NLGN2: variants seen among roughly 807,000 people sequenced by gnomAD.
NLGN2 encodes the protein neuroligin-2.
NLGN2 carries 11 observed loss-of-function variants against 48.6 expected under a neutral mutation model. That is an observed-to-expected ratio of 0.23 (90% CI 0.14 to 0.37). NLGN2 has a LOEUF of 0.37. Ranked by LOEUF, NLGN2 falls within the 10% of genes least tolerant of loss-of-function variation. NLGN2 has a pLI of 1.00. For synonymous variants in NLGN2, 548 were observed against 550.0 expected (o/e 1.00, Z 0.05); for missense variants, 801 against 1,225.2 (o/e 0.65, Z 5.17).
At position 7,408,216 on chromosome 17, in the gene NLGN2, G is replaced by C. The variant is rs1287094592; in HGVS notation, c.-40G>C. 8.0e-6 allele frequency: 9 copies of C among 1,119,330 alleles called. No individual in the cohort carries two copies. Among genetic ancestry groups the C allele is most frequent in the Non-Finnish European group, 9.3e-6 (8 of 862,772 alleles). The allele number at this position is 1,119,330 out of a possible 1,614,324, so 69.3% of individuals were successfully genotyped here. On this transcript the variant is annotated 5_prime_UTR_variant, in exon 1 of 7. Coordinates refer to ENST00000302926, the MANE Select transcript of NLGN2 (RefSeq NM_020795.4). This position sits in a 1 kb window ranked among gnomAD's most constrained non-coding sequence, Gnocchi z 7.5. ...CCCCCCTTCTCTCTCTCTCCGAGGG[G>C]GGGGGGTCCCAGGGAGGGAGGGGGG...
At chr17:7,405,824 G>A (rs1479666397), upstream of NLGN2, among the ~76,000 whole-genome samples, 2 of 151,992 alleles carry the variant, frequency 1.3e-5, no homozygotes, top group African/African-American at 4.8e-5. This position sits in a 1 kb window ranked among gnomAD's most constrained non-coding sequence, Gnocchi z 6.8. Flanking sequence ...CACAGACCCC[G>A]TGTGTTCCCA....
intron 5 of NLGN2, 116 bp downstream of exon 5, chr17:7,415,264 G>A (rs1292984591): frequency 6.9e-6 from 7 of 1,016,250 alleles, no homozygotes; most frequent in African/African-American, 4.8e-5. Flanking sequence ...CCCCCAGTAA[G>A]TGGCCTCCTC....
At position 7,419,463 on chromosome 17, in the gene NLGN2, G is replaced by T. The variant is rs1241614297; in HGVS notation, c.*1664G>T. Reference sequence around the variant, plus strand: ...GTGCCAAACTTGAATAGGGGCTGGGGTGCTGTCTTCCACTGACACCCAAAT... The same window carrying T: ...GTGCCAAACTTGAATAGGGGCTGGGTTGCTGTCTTCCACTGACACCCAAAT... On this transcript the variant is annotated 3_prime_UTR_variant, in exon 7 of 7. Transcript: ENST00000302926. The T allele has an allele frequency of 6.6e-6, 1 of 152,666 alleles. No individual in the cohort carries two copies. Among genetic ancestry groups the T allele is most frequent in the Non-Finnish European group, 1.5e-5 (1 of 68,118 alleles). 9.5% of individuals were successfully genotyped at this position (152,666 alleles called of 1,614,324 possible). A position where few individuals can be genotyped will look rare whatever the true frequency, so the allele number is the denominator to read the frequency against.
At position 7,413,408 on chromosome 17, in the gene NLGN2, A is replaced by C. The variant is rs1187814223; in HGVS notation, c.509-936A>C. ...AGTATCCAGGCTAGCAGGGAGGGCC[A>C]GTGTCAAGAAAGAGGAGGGCCTGTG... On this transcript the variant is annotated intron_variant, in intron 2 of 6. Coordinates refer to ENST00000302926, the MANE Select transcript of NLGN2 (RefSeq NM_020795.4). The surrounding 1 kb of genome is among the most constrained non-coding windows in gnomAD (Gnocchi z 4.9). Among the ~76,000 whole-genome samples the C allele has an allele frequency of 6.6e-6, 1 of 152,162 alleles. No individual in the cohort carries two copies. Among genetic ancestry groups the C allele is most frequent in the Non-Finnish European group, 1.5e-5 (1 of 68,018 alleles).
upstream of NLGN2, among the ~76,000 whole-genome samples, chr17:7,406,479 A>G (rs1906643657): frequency 6.6e-6 from 1 of 151,994 alleles, no homozygotes; most frequent in South Asian, 2.1e-4. Flanking sequence ...TGATGGAGGA[A>G]TAGAGGAGCC....
In NLGN2 at chr17:7,408,777, T is replaced by C. The variant is rs1293261543; in HGVS notation, c.457+65T>C. 6.2e-7 allele frequency: 1 copy of C among 1,608,660 alleles called. No individual in the cohort carries two copies. The highest frequency in any genetic ancestry group is 8.5e-7 in the Non-Finnish European group (1 of 1,178,428). On this transcript the variant is annotated intron_variant, in intron 1 of 6. Transcript: ENST00000302926. This position sits in a 1 kb window ranked among gnomAD's most constrained non-coding sequence, Gnocchi z 7.5. ...AGCCCACAAACGCACATGCAGACCC[T>C]CAGGCACTGGCACCGCTCTAGGGCT...
At chr17:7,405,070 G>C (rs1353181165), upstream of NLGN2, 1 of 151,510 alleles carries the variant, frequency 6.6e-6, no homozygotes, top group Non-Finnish European at 1.5e-5. The surrounding 1 kb of genome is among the most constrained non-coding windows in gnomAD (Gnocchi z 6.8). Flanking sequence ...CTCTGGACTC[G>C]GCTCCCGCCC....
intron 2 of NLGN2, among the ~76,000 whole-genome samples, chr17:7,412,668 A>G (rs1011615866): frequency 1.3e-5 from 2 of 152,158 alleles, no homozygotes; most frequent in African/African-American, 4.8e-5. Context: ...GCCTGTCGCA[A>G]TTTCCAAAAG....
rs773829700 is a variant in NLGN2 at position 7,417,189 on chromosome 17, C to T, written c.1898C>T (p.Pro633Leu). The T allele has an allele frequency of 4.5e-6, 7 of 1,566,494 alleles. No homozygotes were observed. Among genetic ancestry groups the T allele is most frequent in the Admixed American group, 3.7e-5 (2 of 53,994 alleles). The change falls in exon 7 of 7, where the codon CCC (proline) becomes CTC (leucine). Residue 633 changes from proline to leucine, a missense_variant. By Grantham distance (98) the Pro-to-Leu change is moderately conservative (BLOSUM62 -3). Transcript: ENST00000302926. Reference sequence around the variant, plus strand: ...TACGCCACGCGCTGGCCGCCTCGTCCCCCCGCTGGCGCCCCGGGCACACGC... The same window carrying T: ...TACGCCACGCGCTGGCCGCCTCGTCTCCCCGCTGGCGCCCCGGGCACACGC... ...PPYATRWPPR[P>L]PAGAPGTRRP...
rs570068716 is a variant in NLGN2, at chr17:7,415,946, C to A, written c.1473C>A (p.Gly491=). The A allele has an allele frequency of 1.3e-5, 21 of 1,614,014 alleles. No individual in the cohort carries two copies. The highest frequency in any genetic ancestry group is 1.6e-4 in the Middle Eastern group (1 of 6,062). Residue 491 remains glycine, a synonymous_variant, in exon 6 of 7, where the codon GGC becomes GGA. Coordinates refer to ENST00000302926, the MANE Select transcript of NLGN2 (RefSeq NM_020795.4). ...TCTACCACCACTGCCAGGCGGAGGG[C>A]CGGCCTGAGTGGGCAGATGCGGCGC... is the stretch of plus-strand genomic sequence containing the variant. ...YTFYHHCQAE[G]RPEWADAAHG...
At chr17:7,414,591 G>C in intron 3 of NLGN2, 72 bp from the exon 4 acceptor site, 2 of 1,610,594 alleles carry the variant, frequency 1.2e-6, no homozygotes, top group Non-Finnish European at 8.5e-7. Context: ...TTCTGGGCTG[G>C]ACTGAGCTGC....
In NLGN2 at chr17:7,415,827, C is replaced by A; in HGVS notation, c.1354C>A (p.Leu452Met). 2 of 1,613,678 alleles carry A rather than the reference C, an allele frequency of 1.2e-6. No individual in the cohort carries two copies. Among genetic ancestry groups the A allele is most frequent in the Non-Finnish European group, 1.7e-6 (2 of 1,179,934 alleles). The stretch of plus-strand genomic sequence containing the variant: ...TGGCGAAATGCGCCGCAAAACCCTG[C>A]TGGCGCTCTTTACTGACCACCAATG... ...DNGEMRRKTL[L>M]ALFTDHQWVA... The change falls in exon 6 of 7, where the codon CTG (leucine) becomes ATG (methionine). Residue 452 changes from leucine (L) to methionine (M), a missense_variant. By Grantham distance (15) the Leu-to-Met change is conservative (BLOSUM62 2). Coordinates refer to ENST00000302926, the MANE Select transcript of NLGN2 (RefSeq NM_020795.4).
chr17:7,412,679 C>G (rs768206698), intron 2 of NLGN2, among the ~76,000 whole-genome samples: 1 of 152,038 alleles, frequency 6.6e-6, no homozygotes, highest in Non-Finnish European at 1.5e-5. Flanking sequence ...TTTCCAAAAG[C>G]CTGTCAGACA....
At position 7,417,622 on chromosome 17, in the gene NLGN2, G is replaced by C; in HGVS notation, c.2331G>C (p.Pro777=). The C allele has an allele frequency of 1.4e-6, 2 of 1,416,486 alleles. No homozygotes were observed. The highest frequency in any genetic ancestry group is 3.0e-5 in the African/African-American group (2 of 66,430). 87.7% of individuals were successfully genotyped at this position (1,416,486 alleles called of 1,614,324 possible). ...ACACCCTGGCCCTGCGCCGGGCACCGGACGATGTGCCTCTCTTGGCCCCCG... is the reference window on the plus strand; with the variant it reads ...ACACCCTGGCCCTGCGCCGGGCACCCGACGATGTGCCTCTCTTGGCCCCCG... ...PDYTLALRRA[P]DDVPLLAPGA... The change falls in exon 7 of 7, where the codon CCG becomes CCC. Residue 777 remains proline, a synonymous_variant. Coordinates refer to ENST00000302926, the MANE Select transcript of NLGN2 (RefSeq NM_020795.4).
At chr17:7,407,488 G>C (rs181624523), upstream of NLGN2, among the ~76,000 whole-genome samples, 74 of 152,336 alleles carry the variant, frequency 4.9e-4, no homozygotes, top group African/African-American at 1.8e-3. Context: ...GGCCTGGGGT[G>C]GGGGTTCAGC....
intron 5 of NLGN2, 65 bp downstream of exon 5, chr17:7,415,213 C>T: frequency 6.9e-7 from 1 of 1,439,982 alleles, no homozygotes; most frequent in South Asian, 1.3e-5. Flanking sequence ...GTGAGAGGTG[C>T]CTGTGGGCAT....
rs150545990 is a variant in NLGN2, at chr17:7,415,114, C to T, written c.1003C>T (p.Arg335Trp). The change falls in exon 5 of 7, where the codon CGG (arginine) becomes TGG (tryptophan). Residue 335 changes from arginine to tryptophan, a missense_variant. This residue lies in a region of NLGN2 where 303 missense variants were observed against 600.1 expected (regional missense o/e 0.50). Coordinates refer to ENST00000302926, the MANE Select transcript of NLGN2 (RefSeq NM_020795.4). ...AVECLRRKPS[R>W]ELVDQDVQPA... ...GGAGTGTCTGCGCCGGAAGCCCTCCCGGGAGCTGGTGGACCAGGACGTGCA... is the reference window on the plus strand; with the variant it reads ...GGAGTGTCTGCGCCGGAAGCCCTCCTGGGAGCTGGTGGACCAGGACGTGCA... 1.4e-5 allele frequency: 22 copies of T among 1,606,410 alleles called. No individual in the cohort carries two copies. Among genetic ancestry groups the T allele is most frequent in the East Asian group, 6.7e-5 (3 of 44,722 alleles).
Position 7,408,302 on chromosome 17 carries a change from G to C in NLGN2, c.47G>C (p.Arg16Pro). The change falls in exon 1 of 7, where the codon CGC (arginine) becomes CCC (proline). Residue 16 changes from arginine (R) to proline (P), a missense_variant. This residue lies in a region of NLGN2 where 164 missense variants were observed against 186.2 expected (regional missense o/e 0.88). Coordinates refer to ENST00000302926, the MANE Select transcript of NLGN2 (RefSeq NM_020795.4). The surrounding 1 kb of genome is among the most constrained non-coding windows in gnomAD (Gnocchi z 7.5). ...CTGGTGGGGCTGGCGGGGGCTCAAC[G>C]CGGGGGAGGGGGTCCCGGCGGCGGC... is the stretch of plus-strand genomic sequence containing the variant. ...LCLVGLAGAQ[R>P]GGGGPGGGAP... 7.3e-7 allele frequency: 1 copy of C among 1,363,366 alleles called. No homozygotes were observed. Among genetic ancestry groups the C allele is most frequent in the Non-Finnish European group, 9.4e-7 (1 of 1,068,096 alleles). The allele number at this position is 1,363,366 out of a possible 1,614,324, so 84.5% of individuals were successfully genotyped here. A position where few individuals can be genotyped will look rare whatever the true frequency, so the allele number is the denominator to read the frequency against.
Position 7,408,186 on chromosome 17 carries a change from C to A in NLGN2, c.-70C>A. On this transcript the variant is annotated 5_prime_UTR_variant, in exon 1 of 7. Coordinates refer to ENST00000302926, the MANE Select transcript of NLGN2 (RefSeq NM_020795.4). The surrounding 1 kb of genome is among the most constrained non-coding windows in gnomAD (Gnocchi z 7.5). ...CCTGGGGCGAGGGGGGCCTCCCTCC[C>A]TCTCCCCCCCTTCTCTCTCTCTCCG... The A allele has an allele frequency of 2.3e-6, 2 of 870,176 alleles. No individual in the cohort carries two copies. Among genetic ancestry groups the A allele is most frequent in the East Asian group, 3.4e-5 (1 of 29,208 alleles). The allele number at this position is 870,176 out of a possible 1,614,324, so 53.9% of individuals were successfully genotyped here. A position where few individuals can be genotyped will look rare whatever the true frequency, so the allele number is the denominator to read the frequency against.
Sources: allele counts gnomAD v4.1 joint callset (sites outside exome capture counted in the v4.1 genomes callset), GRCh38; gene constraint gnomAD v4.1.1; regional missense constraint gnomAD v4.1.1; non-coding constraint Gnocchi (gnomAD v3.1); transcripts MANE v1.5; gene names NCBI Gene and HGNC (gene_info 2026-07-23, HGNC 2026-07-21).